OSBPL9: variants seen among roughly 807,000 people sequenced by gnomAD.
OSBPL9 encodes oxysterol-binding protein-related protein 9.
In OSBPL9, 40 loss-of-function variants were observed where a neutral mutation model predicts 106.6. The ratio of observed to expected loss-of-function variants is 0.38; its 90% confidence interval spans 0.29 to 0.49. The LOEUF (loss-of-function observed/expected upper bound fraction) is 0.49, where lower values mean the gene tolerates loss of function less well. Among genes scored for constraint, OSBPL9 ranks in the 20% least tolerant of loss-of-function variants. The probability of loss-of-function intolerance (pLI) is 0.97; values close to 1 mark genes in which losing one functional copy is unlikely to be tolerated. For missense variants in OSBPL9, 609 were observed against 887.2 expected, an observed-to-expected ratio of 0.69 and a Z score of 3.98; for synonymous variants, 269 against 295.4, an observed-to-expected ratio of 0.91 and a Z score of 0.92.
chr1:51,717,451 G>T (rs908102308), intron 4 of OSBPL9, among the ~76,000 whole-genome samples: 1 of 151,966 alleles, frequency 6.6e-6, no homozygotes, highest in Non-Finnish European at 1.5e-5. Context: ...CTCTCATTTT[G>T]ATCTGACCCC....
At chr1:51,524,464 C>T in the OSBPL9 span, among the ~76,000 whole-genome samples, 3 of 152,128 alleles carry the variant, frequency 2.0e-5, no homozygotes, top group African/African-American at 7.2e-5. Context: ...ATAATACCTA[C>T]CTGCTCATGC....
chr1:51,677,139 T>A (rs754119239), intron 3 of OSBPL9, among the ~76,000 whole-genome samples: 3 of 152,202 alleles, frequency 2.0e-5, no homozygotes, highest in Non-Finnish European at 4.4e-5. Context: ...CAGCATCACC[T>A]GGGAACTTGT....
chr1:51,543,905 A>G, the OSBPL9 span, among the ~76,000 whole-genome samples: 2 of 152,244 alleles, frequency 1.3e-5, no homozygotes, highest in Non-Finnish European at 2.9e-5. Context: ...ATTATTCTCA[A>G]GAAATGAAAA....
chr1:51,755,869 TC>T (rs1670228900), intron 8 of OSBPL9, among the ~76,000 whole-genome samples: 3 of 152,186 alleles, frequency 2.0e-5, no homozygotes, highest in African/African-American at 7.2e-5. Flanking sequence ...CTTCACCCCA[TC>T]CAGCCCTTGG....
the OSBPL9 span, among the ~76,000 whole-genome samples, chr1:51,531,525 C>T: frequency 5.9e-5 from 9 of 152,078 alleles, no homozygotes; most frequent in Non-Finnish European, 1.0e-4. Context: ...AAAAGGATCA[C>T]GGATGATGCC....
the OSBPL9 span, chr1:51,561,898 G>A: frequency 6.6e-6 from 1 of 152,158 alleles, no homozygotes; most frequent in Admixed American, 6.6e-5. Context: ...ACCTGCCAAA[G>A]GTCCAGGCTG....
chr1:51,700,261 C>T (rs192386936), intron 3 of OSBPL9, among the ~76,000 whole-genome samples: 4 of 152,292 alleles, frequency 2.6e-5, no homozygotes, highest in Admixed American at 2.6e-4. Context: ...TTGCTTTGGG[C>T]TCTCATGCCC....
chr1:51,767,936 CTTTTT>C (rs869092922), intron 12 of OSBPL9, among the ~76,000 whole-genome samples: 18 of 65,052 alleles, frequency 2.8e-4, no homozygotes, highest in African/African-American at 6.0e-4. Context: ...TAAAGACCGT[CTTTTT>C]TTTTTTTTTT....
At position 51,761,863 on chromosome 1, in the gene OSBPL9, C is replaced by A; in HGVS notation, c.674-4C>A. The A allele has an allele frequency of 1.2e-6, 2 of 1,603,792 alleles. No individual in the cohort carries two copies. The highest frequency in any genetic ancestry group is 1.7e-6 in the Non-Finnish European group (2 of 1,170,884). Reference sequence around the variant, plus strand: ...ACCTTATTTTATACGTTCAAATCTCCTAGAACCTGTTCAGTTGTGTAAGTC... The same window carrying A: ...ACCTTATTTTATACGTTCAAATCTCATAGAACCTGTTCAGTTGTGTAAGTC... On this transcript the variant is annotated splice_polypyrimidine_tract_variant and splice_region_variant and intron_variant, in intron 10 of 23. Transcript: ENST00000428468.
chr1:51,720,024 A>G (rs1357449587), intron 4 of OSBPL9, among the ~76,000 whole-genome samples: 1 of 152,240 alleles, frequency 6.6e-6, no homozygotes, highest in African/African-American at 2.4e-5. Flanking sequence ...GGCATAGCAC[A>G]TGCCATGGGG....
intron 1 of OSBPL9, among the ~76,000 whole-genome samples, chr1:51,638,800 ACT>A (rs548207885): frequency 1.9e-3 from 287 of 151,740 alleles, no homozygotes; most frequent in Middle Eastern, 6.9e-3. Context: ...ACAGAGTAAG[ACT>A]CTGTCTCATA....
chr1:51,519,338 G>GGCGT, the OSBPL9 span: 1 of 249,706 alleles, frequency 4.0e-6, no homozygotes. Flanking sequence ...CGGGCGGGCG[G>GGCGT]GCGTCTCCCC....
intron 3 of OSBPL9, among the ~76,000 whole-genome samples, chr1:51,694,563 A>G (rs1655634701): frequency 6.6e-6 from 1 of 152,232 alleles, no homozygotes; most frequent in South Asian, 2.1e-4. Flanking sequence ...TAATGACGTT[A>G]TATGAAAATA....
chr1:51,637,605 A>G (rs1166236563), intron 1 of OSBPL9, among the ~76,000 whole-genome samples: 1 of 152,258 alleles, frequency 6.6e-6, no homozygotes, highest in Admixed American at 6.5e-5. Flanking sequence ...TGCTCAGTAA[A>G]TGATAACAAA....
intron 11 of OSBPL9, among the ~76,000 whole-genome samples, chr1:51,762,999 T>C (rs1335204876): frequency 6.6e-6 from 1 of 152,216 alleles, no homozygotes; most frequent in Non-Finnish European, 1.5e-5. Context: ...TTTTTGTTTG[T>C]TTAAACGTTT....
intron 3 of OSBPL9, among the ~76,000 whole-genome samples, chr1:51,705,036 T>C (rs1658129693): frequency 6.6e-6 from 1 of 152,226 alleles, no homozygotes; most frequent in African/African-American, 2.4e-5. Flanking sequence ...AGAAGCTTTA[T>C]ATTTCTTTTG....
intron 15 of OSBPL9, among the ~76,000 whole-genome samples, chr1:51,779,164 T>C (rs1675734944): frequency 7.9e-5 from 12 of 152,170 alleles, no homozygotes; most frequent in Admixed American, 7.2e-4. Context: ...TAAATAGATA[T>C]ATACGTTTGT....
chr1:51,678,554 G>A (rs928119217), intron 3 of OSBPL9, among the ~76,000 whole-genome samples: 11 of 152,028 alleles, frequency 7.2e-5, no homozygotes, highest in Non-Finnish European at 1.0e-4. Context: ...CCAGCTACTC[G>A]GTAGGCTGAG....
At chr1:51,568,831 G>A in the OSBPL9 span, among the ~76,000 whole-genome samples, 1 of 152,182 alleles carries the variant, frequency 6.6e-6, no homozygotes, top group Non-Finnish European at 1.5e-5. Context: ...CCAGGTTCAA[G>A]CAATTATCCT....
Sources: gnomAD v4.1 joint callset for allele counts (sites outside exome capture counted in the v4.1 genomes callset) on GRCh38, gnomAD v4.1.1 for gene constraint, MANE v1.5 for transcripts, NCBI Gene and HGNC (gene_info 2026-07-23, HGNC 2026-07-21) for gene names.